EXT1: variants seen among roughly 807,000 people sequenced by gnomAD.
EXT1 encodes exostosin-1.
A neutral mutation model predicts 82.5 loss-of-function variants in EXT1; 20 were observed. The observed-to-expected ratio is 0.24, with a 90% CI of 0.17 to 0.35. EXT1 has a LOEUF of 0.35. Among genes scored for constraint, EXT1 ranks in the 10% least tolerant of loss-of-function variants. The pLI is 1.00. For synonymous variants in EXT1, 348 were observed against 350.8 expected, an observed-to-expected ratio of 0.99 and a Z score of 0.09; for missense variants, 757 against 936.5, an observed-to-expected ratio of 0.81 and a Z score of 2.50.
chr8:118,042,933 T>C (rs1816558834), intron 1 of EXT1, among the ~76,000 whole-genome samples: 1 of 152,214 alleles, frequency 6.6e-6, no homozygotes, highest in Non-Finnish European at 1.5e-5. Context: ...AGCTCAATTA[T>C]TATCTCACTC....
chr8:117,819,460 T>C (rs1167350475), intron 6 of EXT1, among the ~76,000 whole-genome samples: 1 of 152,222 alleles, frequency 6.6e-6, no homozygotes, highest in Non-Finnish European at 1.5e-5. Context: ...GGTCTCTCTG[T>C]AACCCATCCC....
intron 1 of EXT1, among the ~76,000 whole-genome samples, chr8:118,106,288 T>C (rs1023397538): frequency 9.9e-5 from 15 of 152,228 alleles, no homozygotes; most frequent in Non-Finnish European, 5.9e-5. Flanking sequence ...GCTGGTGAAT[T>C]TTCAAGGGTG....
intron 1 of EXT1, among the ~76,000 whole-genome samples, chr8:118,030,754 T>C (rs528325221): frequency 3.9e-5 from 6 of 152,314 alleles, no homozygotes; most frequent in Admixed American, 1.3e-4. Context: ...AGTGCTGGGA[T>C]TACAGGCATG....
chr8:117,997,551 A>C (rs1208982345), intron 1 of EXT1, among the ~76,000 whole-genome samples: 1 of 152,100 alleles, frequency 6.6e-6, no homozygotes. Flanking sequence ...GGTGGTCCAT[A>C]GTTTACTAAT....
intron 4 of EXT1, among the ~76,000 whole-genome samples, chr8:117,828,568 C>T (rs539872750): frequency 6.6e-6 from 1 of 151,998 alleles, no homozygotes; most frequent in Admixed American, 6.5e-5. Flanking sequence ...ATTCAACATT[C>T]TTTAAGAAGG....
intron 1 of EXT1, among the ~76,000 whole-genome samples, chr8:117,846,322 G>C (rs1228831392): frequency 1.3e-5 from 2 of 152,080 alleles, no homozygotes; most frequent in African/African-American, 4.8e-5. Context: ...TGGTCAGGCT[G>C]GTCTTGAACT....
chr8:117,846,956 G>A (rs1812371942), intron 1 of EXT1, among the ~76,000 whole-genome samples: 1 of 152,094 alleles, frequency 6.6e-6, no homozygotes, highest in Non-Finnish European at 1.5e-5. Flanking sequence ...CCTGATCCCT[G>A]GAGTTTGGGA....
intron 1 of EXT1, among the ~76,000 whole-genome samples, chr8:117,930,111 A>T (rs1346360491): frequency 6.6e-6 from 1 of 152,144 alleles, no homozygotes; most frequent in Non-Finnish European, 1.5e-5. Flanking sequence ...CTCAAAAAAA[A>T]AAAAATAAAG....
chr8:118,028,613 A>G (rs1241960105), intron 1 of EXT1, among the ~76,000 whole-genome samples: 1 of 152,070 alleles, frequency 6.6e-6, no homozygotes, highest in East Asian at 1.9e-4. Flanking sequence ...AGTCAATTAT[A>G]AAAAGGAAAA....
chr8:118,093,189 C>T (rs971365512), intron 1 of EXT1, among the ~76,000 whole-genome samples: 3 of 140,306 alleles, frequency 2.1e-5, no homozygotes, highest in Non-Finnish European at 3.1e-5. Flanking sequence ...CCCCACCCCC[C>T]AAAAAAGCCC....
At chr8:117,981,500 G>A (rs887385237) in intron 1 of EXT1, among the ~76,000 whole-genome samples, 1 of 152,108 alleles carries the variant, frequency 6.6e-6, no homozygotes, top group Admixed American at 6.5e-5. Context: ...GGTCTCAAAG[G>A]GGCAAGGCAA....
intron 8 of EXT1, among the ~76,000 whole-genome samples, chr8:117,809,153 G>GTGTA (rs956156843): frequency 2.4e-3 from 354 of 147,692 alleles, no homozygotes; most frequent in East Asian, 3.6e-3. Flanking sequence ...CTCTCTCTCA[G>GTGTA]TGTATGTATG....
intron 1 of EXT1, among the ~76,000 whole-genome samples, chr8:117,991,561 T>A (rs375123340): frequency 6.6e-6 from 1 of 152,152 alleles, no homozygotes; most frequent in Non-Finnish European, 1.5e-5. Flanking sequence ...TTCCTTTTTT[T>A]ATTTTATTTT....
At chr8:117,979,846 A>G (rs1815148068) in intron 1 of EXT1, among the ~76,000 whole-genome samples, 1 of 152,238 alleles carries the variant, frequency 6.6e-6, no homozygotes, top group African/African-American at 2.4e-5. Flanking sequence ...AGTGAGTGAC[A>G]GAGAAAAGCT....
chr8:118,104,978 C>T (rs1039285122), intron 1 of EXT1, among the ~76,000 whole-genome samples: 4 of 152,158 alleles, frequency 2.6e-5, no homozygotes, highest in African/African-American at 9.7e-5. Context: ...GTGAAAAGAA[C>T]AGACAACTCG....
chr8:117,927,135 C>T (rs1813967456), intron 1 of EXT1, among the ~76,000 whole-genome samples: 1 of 152,192 alleles, frequency 6.6e-6, no homozygotes, highest in African/African-American at 2.4e-5. Flanking sequence ...GTTACAAACA[C>T]TGCAAGTCTG....
chr8:117,804,531 TCTTAA>T (rs1321946668), intron 10 of EXT1, among the ~76,000 whole-genome samples, 186 bp downstream of exon 10: 2 of 152,226 alleles, frequency 1.3e-5, no homozygotes, highest in Non-Finnish European at 2.9e-5. Context: ...ATAAAGATAC[TCTTAA>T]CTTGTGTCTT....
chr8:117,978,429 C>G (rs1364215735), intron 1 of EXT1, among the ~76,000 whole-genome samples: 5 of 152,180 alleles, frequency 3.3e-5, no homozygotes, highest in Admixed American at 2.0e-4. Context: ...AGCACATCAT[C>G]TCTTTGGAAT....
In EXT1 at chr8:117,822,448, G is replaced by A. The variant is rs763025358; in HGVS notation, c.1417+17C>T. 1 of 1,612,120 alleles carries A rather than the reference G, an allele frequency of 6.2e-7. No individual in the cohort carries two copies. The highest frequency in any genetic ancestry group is 8.5e-7 in the Non-Finnish European group (1 of 1,179,468). ...TCAGGGTAAACAAGGGCAACTCCCTGGAGGAAATTCACTTACCTAAATTAG... is the reference window on the plus strand; with the variant it reads ...TCAGGGTAAACAAGGGCAACTCCCTAGAGGAAATTCACTTACCTAAATTAG... On this transcript the variant is annotated intron_variant, in intron 5 of 10. Transcript: ENST00000378204.
Sources: gnomAD v4.1 joint callset for allele counts (sites outside exome capture counted in the v4.1 genomes callset) on GRCh38, gnomAD v4.1.1 for gene constraint, MANE v1.5 for transcripts, NCBI Gene and HGNC (gene_info 2026-07-23, HGNC 2026-07-21) for gene names.